Variants in NUP153 observed in about 807,000 individuals in gnomAD.
NUP153 encodes nucleoporin 153.
NUP153 carries 27 observed loss-of-function variants against 134.6 expected under a neutral mutation model. The ratio of observed to expected loss-of-function variants is 0.20; its 90% confidence interval spans 0.15 to 0.28. NUP153 has a LOEUF of 0.28. Ranked by LOEUF, NUP153 falls within the 10% of genes least tolerant of loss-of-function variation. The pLI, the probability that NUP153 is intolerant of heterozygous loss-of-function variation, is 1.00. For missense variants in NUP153, 1,821 were observed against 1,731.3 expected, an observed-to-expected ratio of 1.05 and a Z score of -0.92; for synonymous variants, 640 against 623.5, an observed-to-expected ratio of 1.03 and a Z score of -0.40.
chr6:17,654,810 G>T (rs1031690372), intron 11 of NUP153, among the ~76,000 whole-genome samples: 5 of 152,140 alleles, frequency 3.3e-5, no homozygotes, highest in South Asian at 2.1e-4. Context: ...CCTTACATGG[G>T]TTATCTCATA....
intron 1 of NUP153, among the ~76,000 whole-genome samples, chr6:17,702,273 C>A (rs1295434547): frequency 6.6e-6 from 1 of 151,946 alleles, no homozygotes; most frequent in Non-Finnish European, 1.5e-5. Flanking sequence ...TTTGGGAGGC[C>A]GAGGCGGGTG....
Position 17,628,915 on chromosome 6 carries a change from G to A in NUP153, c.3284C>T (p.Ala1095Val). Reference sequence around the variant, plus strand: ...TGTCCTTCCCAAAACAAACACTGAGGCAGATGGCAGAGAGGCAGGCTCCAC... The same window carrying A: ...TGTCCTTCCCAAAACAAACACTGAGACAGATGGCAGAGAGGCAGGCTCCAC... ...GNVEPASLPS[A>V]SVFVLGRTEE... The change falls in exon 18 of 22, where the codon GCC (alanine) becomes GTC (valine). Residue 1095 changes from alanine (A) to valine (V), a missense_variant. Physicochemically the swap from Ala to Val is moderately conservative, Grantham distance 64. Coordinates refer to ENST00000262077, the MANE Select transcript of NUP153 (RefSeq NM_005124.4). The surrounding 1 kb of genome is among the most constrained non-coding windows in gnomAD (Gnocchi z 5.4). The A allele has an allele frequency of 1.1e-5, 17 of 1,614,192 alleles. No homozygotes were observed. The highest frequency in any genetic ancestry group is 1.4e-5 in the Non-Finnish European group (16 of 1,180,038).
At chr6:17,656,263 T>C (rs940260937) in intron 11 of NUP153, among the ~76,000 whole-genome samples, 2 of 152,116 alleles carry the variant, frequency 1.3e-5, no homozygotes, top group African/African-American at 4.8e-5. Flanking sequence ...ATCACATTAG[T>C]ACCTCTTTCC....
chr6:17,665,650 T>C (rs545537153), intron 8 of NUP153, among the ~76,000 whole-genome samples: 90 of 152,254 alleles, frequency 5.9e-4, no homozygotes, highest in African/African-American at 1.9e-3. Context: ...TAATGACTTT[T>C]CACACACATG....
chr6:17,632,934 T>C (rs1765337393), intron 16 of NUP153, 90 bp from the exon 17 acceptor site: 2 of 902,278 alleles, frequency 2.2e-6, no homozygotes, highest in Non-Finnish European at 1.6e-6. Context: ...CACTGCTAAG[T>C]TTAAGTGTTC....
At chr6:17,677,766 G>A (rs1226182209) in intron 2 of NUP153, among the ~76,000 whole-genome samples, 11 of 119,488 alleles carry the variant, frequency 9.2e-5, no homozygotes, top group Non-Finnish European at 1.5e-4. Context: ...GTCTCACTCT[G>A]TCGCCCAGGC....
At chr6:17,633,925 A>G (rs906041271) in intron 16 of NUP153, among the ~76,000 whole-genome samples, 2 of 151,820 alleles carry the variant, frequency 1.3e-5, no homozygotes, top group African/African-American at 4.8e-5. Context: ...TTAAATCCCC[A>G]AAAAACAGTT....
At chr6:17,676,426 A>G (rs2113835572) in intron 2 of NUP153, among the ~76,000 whole-genome samples, 1 of 33,322 alleles carries the variant, frequency 3.0e-5, no homozygotes, top group East Asian at 9.4e-4. Flanking sequence ...TGTTTTAAAT[A>G]TTATGCTTTA....
rs1364458158 is a variant in NUP153 at position 17,624,817 on chromosome 6, A to G, written c.3918T>C (p.Phe1306=). 1 of 1,607,146 alleles carries G rather than the reference A, an allele frequency of 6.2e-7. No individual in the cohort carries two copies. The highest frequency in any genetic ancestry group is 1.3e-5 in the African/African-American group (1 of 74,780). Residue 1306 remains phenylalanine, a synonymous_variant, in exon 20 of 22, where the codon TTT becomes TTC. Transcript: ENST00000262077. ...CAGATGGTGCTGAGGGTCCAGTTCC[A>G]AATACAAAGGAGGATCCTGGAGGCC... ...TSSSAGSSFV[F]GTGPSAPSAS...
intron 8 of NUP153, among the ~76,000 whole-genome samples, chr6:17,668,599 T>C (rs1296524249): frequency 6.6e-6 from 1 of 152,020 alleles, no homozygotes; most frequent in East Asian, 1.9e-4. Context: ...TCCCGGCACT[T>C]TGGGAGGCCA....
At chr6:17,698,239 T>C (rs940502091) in intron 1 of NUP153, among the ~76,000 whole-genome samples, 1 of 152,194 alleles carries the variant, frequency 6.6e-6, no homozygotes, top group East Asian at 1.9e-4. Flanking sequence ...CTGAATGGCA[T>C]AGGCTTATAA....
intron 14 of NUP153, among the ~76,000 whole-genome samples, chr6:17,642,032 A>G (rs1163210965): frequency 6.6e-6 from 1 of 152,050 alleles, no homozygotes; most frequent in African/African-American, 2.4e-5. Context: ...AGTAGTAGGT[A>G]AAGTACTTTT....
chr6:17,616,150 CAGA>C lies in NUP153; in HGVS notation c.4372_4374del (p.Ser1458del), dbSNP rs750207815. On this transcript the variant is annotated inframe_deletion, in exon 22 of 22. Coordinates refer to ENST00000262077, the MANE Select transcript of NUP153 (RefSeq NM_005124.4). ...ATCTTGCGACCAGAGAATGAAGTTC[CAGA>C]AGAAGAGAACACATTTTTCCCATTT... 3.7e-6 allele frequency: 6 copies of C among 1,613,466 alleles called. No homozygotes were observed. The highest frequency in any genetic ancestry group is 2.2e-5 in the East Asian group (1 of 44,862).
At chr6:17,640,559 T>C (rs913749733) in intron 14 of NUP153, among the ~76,000 whole-genome samples, 1 of 152,226 alleles carries the variant, frequency 6.6e-6, no homozygotes, top group African/African-American at 2.4e-5. Flanking sequence ...AATAAGGGTA[T>C]ATGGTTACAT....
chr6:17,646,295 C>G, intron 13 of NUP153, 141 bp from the exon 14 acceptor site: 1 of 452,350 alleles, frequency 2.2e-6, no homozygotes, highest in Non-Finnish European at 4.0e-6. Context: ...GCAACCTCCG[C>G]CTCCCGGGTT....
intron 14 of NUP153, among the ~76,000 whole-genome samples, chr6:17,644,052 A>G (rs1011408911): frequency 1.2e-4 from 18 of 149,280 alleles, no homozygotes. Context: ...TTAGCCAATT[A>G]AAAAAAAAAG....
At position 17,629,392 on chromosome 6, in the gene NUP153, A is replaced by T. The variant is rs1355889560; in HGVS notation, c.2807T>A (p.Val936Glu). The change falls in exon 18 of 22, where the codon GTG becomes GAG. Residue 936 changes from valine to glutamate, a missense_variant. By Grantham distance (121) the Val-to-Glu change is moderately radical. Transcript: ENST00000262077. ...GTTTATAGACCCAGAATCGGATGAC[A>T]CACCTATTTTGAATCCTCCCTGATC... The part of the protein sequence containing the change: ...FGDQGGFKIG[V>E]SSDSGSINPM... 2 of 1,613,984 alleles carry T rather than the reference A, an allele frequency of 1.2e-6. No homozygotes were observed. Among genetic ancestry groups the T allele is most frequent in the Non-Finnish European group, 1.7e-6 (2 of 1,179,974 alleles).
chr6:17,655,683 A>G (rs1581711832), intron 11 of NUP153, among the ~76,000 whole-genome samples: 2 of 151,708 alleles, frequency 1.3e-5, no homozygotes, highest in South Asian at 4.2e-4. Flanking sequence ...CGAGCTCCTG[A>G]CCTCAGGTGA....
chr6:17,693,582 C>A (rs1299201304), intron 1 of NUP153, among the ~76,000 whole-genome samples: 2 of 152,164 alleles, frequency 1.3e-5, no homozygotes, highest in African/African-American at 2.4e-5. Context: ...TAAGTAGACC[C>A]TTCTTAAAGA....
Sources: allele counts gnomAD v4.1 joint callset (sites outside exome capture counted in the v4.1 genomes callset), GRCh38; gene constraint gnomAD v4.1.1; non-coding constraint Gnocchi (gnomAD v3.1); transcripts MANE v1.5; gene names NCBI Gene and HGNC (gene_info 2026-07-23, HGNC 2026-07-21).